Variants in UBAP1L observed in about 807,000 individuals in gnomAD.
UBAP1L encodes ubiquitin associated protein 1 like.
UBAP1L carries 32 observed loss-of-function variants against 32.1 expected under a neutral mutation model. The ratio of observed to expected loss-of-function variants is 1.00; its 90% CI spans 0.75 to 1.34. The LOEUF is 1.34. Ranked by LOEUF, UBAP1L falls within the 40% of genes most tolerant of loss-of-function variation. UBAP1L has a pLI of 0.00. For missense variants in UBAP1L, 516 were observed against 540.5 expected, an observed-to-expected ratio of 0.95 and a Z score of 0.45; for synonymous variants, 243 against 250.2, an observed-to-expected ratio of 0.97 and a Z score of 0.27.
chr15:65,092,936 G>C lies in UBAP1L; in HGVS notation c.*161C>G, dbSNP rs917835054. Reference sequence around the variant, plus strand: ...GGCAACTATTTCAACTCTTTCAGCAGATTCTGCTGCTGTTAACTGTCACCC... The same window carrying C: ...GGCAACTATTTCAACTCTTTCAGCACATTCTGCTGCTGTTAACTGTCACCC... On this transcript the variant is annotated 3_prime_UTR_variant, in exon 6 of 6. Coordinates refer to ENST00000559089, the MANE Select transcript of UBAP1L (RefSeq NM_001163692.2). The C allele has an allele frequency of 9.6e-7, 1 of 1,037,720 alleles. No individual in the cohort carries two copies. The highest frequency in any genetic ancestry group is 1.9e-5 in the South Asian group (1 of 53,644). The allele number at this position is 1,037,720 out of a possible 1,614,324, so 64.3% of individuals were successfully genotyped here.
chr15:65,108,742 G>A (rs1414659247), intron 1 of UBAP1L, among the ~76,000 whole-genome samples: 1 of 142,924 alleles, frequency 7.0e-6, no homozygotes, highest in Non-Finnish European at 1.5e-5. Flanking sequence ...AACAAAATGA[G>A]ACACTGTCTC....
chr15:65,107,834 C>T (rs577901124), intron 1 of UBAP1L, among the ~76,000 whole-genome samples: 6 of 151,786 alleles, frequency 4.0e-5, no homozygotes, highest in South Asian at 2.1e-4. Context: ...TGTATGAGAC[C>T]GCTACACGGA....
At chr15:65,108,411 T>G (rs2087340848) in intron 1 of UBAP1L, among the ~76,000 whole-genome samples, 1 of 152,118 alleles carries the variant, frequency 6.6e-6, no homozygotes, top group South Asian at 2.1e-4. Context: ...AAAGACTATA[T>G]TCATGGCCTT....
chr15:65,108,237 G>A (rs2087338232), intron 1 of UBAP1L, among the ~76,000 whole-genome samples: 1 of 151,748 alleles, frequency 6.6e-6, no homozygotes, highest in Admixed American at 6.6e-5. Flanking sequence ...GAAAGGGAAA[G>A]TCTTTTAAAT....
intron 4 of UBAP1L, chr15:65,095,479 A>T (rs1412892099): frequency 6.6e-6 from 1 of 152,262 alleles, no homozygotes; most frequent in Admixed American, 6.5e-5. Flanking sequence ...CAGTGTCCCC[A>T]TCATCCAGCA....
intron 4 of UBAP1L, chr15:65,096,972 T>G (rs2087181358): frequency 6.6e-6 from 1 of 152,296 alleles, no homozygotes; most frequent in African/African-American, 2.4e-5. Flanking sequence ...CCCAAAGGGC[T>G]TGTTCAGTTA....
intron 1 of UBAP1L, among the ~76,000 whole-genome samples, chr15:65,112,903 A>G (rs969002288): frequency 2.6e-5 from 4 of 152,154 alleles, no homozygotes; most frequent in African/African-American, 9.7e-5. Context: ...GTGAATTTTT[A>G]TCTCCTAAAT....
Position 65,106,313 on chromosome 15 carries a change from T to G in UBAP1L, c.-98A>C. Reference sequence around the variant, plus strand: ...CTGAGGACCAGGCTCAGGCCTCAAATGGCCTCACTGCTCTCCTGTGTGGTC... The same window carrying G: ...CTGAGGACCAGGCTCAGGCCTCAAAGGGCCTCACTGCTCTCCTGTGTGGTC... On this transcript the variant is annotated 5_prime_UTR_variant, in exon 2 of 6. Transcript: ENST00000559089. 7.6e-7 allele frequency: 1 copy of G among 1,317,332 alleles called. No homozygotes were observed. Among genetic ancestry groups the G allele is most frequent in the Non-Finnish European group, 9.8e-7 (1 of 1,023,698 alleles). 81.6% of individuals were successfully genotyped at this position (1,317,332 alleles called of 1,614,324 possible). A position where few individuals can be genotyped will look rare whatever the true frequency, so the allele number is the denominator to read the frequency against.
chr15:65,099,587 A>G lies in UBAP1L; in HGVS notation c.827T>C (p.Ile276Thr), dbSNP rs1423670974. 8 of 1,551,520 alleles carry G rather than the reference A, an allele frequency of 5.2e-6. No individual in the cohort carries two copies. Among genetic ancestry groups the G allele is most frequent in the East Asian group, 4.9e-5 (2 of 40,936 alleles). The change falls in exon 4 of 6, where the codon ATT becomes ACT. Residue 276 changes from isoleucine (I) to threonine (T), a missense_variant. Ile to Thr is a moderately conservative substitution (Grantham distance 89). Transcript: ENST00000559089. ...ATATCCCAGGGCGACCACTGGCCCAATGAGGTCTTGCTCCTCCTGGCTCAG... is the reference window on the plus strand; with the variant it reads ...ATATCCCAGGGCGACCACTGGCCCAGTGAGGTCTTGCTCCTCCTGGCTCAG... ...SALSQEEQDLIGPVVALGYPL... is the reference protein window; with the variant it reads ...SALSQEEQDLTGPVVALGYPL...
chr15:65,093,248 A>C lies in UBAP1L; in HGVS notation c.1012-17T>G. On this transcript the variant is annotated splice_polypyrimidine_tract_variant and intron_variant, in intron 5 of 5. Coordinates refer to ENST00000559089, the MANE Select transcript of UBAP1L (RefSeq NM_001163692.2). The stretch of plus-strand genomic sequence containing the variant: ...CTCCCCTGCCTGAGGAAGAGGAGAC[A>C]GGGAGGGTGCTGGGGGCTCTGCTGG... 3 of 1,536,376 alleles carry C rather than the reference A, an allele frequency of 2.0e-6. No homozygotes were observed. The highest frequency in any genetic ancestry group is 2.6e-6 in the Non-Finnish European group (3 of 1,141,570).
intron 1 of UBAP1L, among the ~76,000 whole-genome samples, chr15:65,109,497 A>C (rs1030075282): frequency 2.0e-5 from 3 of 151,146 alleles, no homozygotes; most frequent in Non-Finnish European, 4.4e-5. Flanking sequence ...AAAAAAAAAA[A>C]AAAAAAAACT....
chr15:65,106,187 T>C lies in UBAP1L; in HGVS notation c.29A>G (p.Lys10Arg). 6.5e-7 allele frequency: 1 copy of C among 1,549,112 alleles called. No homozygotes were observed. Among genetic ancestry groups the C allele is most frequent in the Non-Finnish European group, 8.7e-7 (1 of 1,146,336 alleles). ...GCCTATCACAAAGCCCTTGGGCAACTTGAAAGGAACACCATCGAGGGCATT... is the reference window on the plus strand; with the variant it reads ...GCCTATCACAAAGCCCTTGGGCAACCTGAAAGGAACACCATCGAGGGCATT... MNALDGVPF[K>R]LPKGFVIGTE... Residue 10 changes from lysine (K) to arginine (R), a missense_variant, in exon 2 of 6, where the codon AAG (lysine) becomes AGG (arginine). Transcript: ENST00000559089.
chr15:65,106,268 C>T lies in UBAP1L; in HGVS notation c.-53G>A, dbSNP rs2087310569. ...AGGGCTGGGGCAGGCTGCTTGATGG[C>T]AGGGAGAGAGAGTCGAGTCCTGAGG... is the stretch of plus-strand genomic sequence containing the variant. On this transcript the variant is annotated 5_prime_UTR_variant, in exon 2 of 6. Coordinates refer to ENST00000559089, the MANE Select transcript of UBAP1L (RefSeq NM_001163692.2). The T allele has an allele frequency of 2.0e-6, 3 of 1,503,976 alleles. No homozygotes were observed. Among genetic ancestry groups the T allele is most frequent in the African/African-American group, 1.4e-5 (1 of 70,494 alleles). 93.2% of individuals were successfully genotyped at this position (1,503,976 alleles called of 1,614,324 possible). A position where few individuals can be genotyped will look rare whatever the true frequency, so the allele number is the denominator to read the frequency against.
intron 1 of UBAP1L, among the ~76,000 whole-genome samples, chr15:65,110,833 G>C (rs1244197824): frequency 6.6e-6 from 1 of 152,162 alleles, no homozygotes; most frequent in Non-Finnish European, 1.5e-5. Flanking sequence ...TTATCAGGGA[G>C]TCTGCAGCAG....
intron 4 of UBAP1L, 89 bp downstream of exon 4, chr15:65,099,416 C>A (rs2087213594): frequency 1.5e-6 from 2 of 1,369,324 alleles, no homozygotes; most frequent in South Asian, 2.7e-5. Context: ...TGTTGTTGGG[C>A]CTATGTCACA....
At position 65,099,557 on chromosome 15, in the gene UBAP1L, A is replaced by G; in HGVS notation, c.857T>C (p.Leu286Pro). ...IGPVVALGYPLRRAIIALQKT... is the reference protein window; with the variant it reads ...IGPVVALGYPPRRAIIALQKT... ...CTGCAGAGCTATGATGGCCCTTCGC[A>G]GGGGATATCCCAGGGCGACCACTGG... Residue 286 changes from leucine to proline, a missense_variant, in exon 4 of 6, where the codon CTG becomes CCG. Physicochemically the swap from Leu to Pro is moderately conservative, Grantham distance 98 (BLOSUM62 -3). Transcript: ENST00000559089. 6.4e-7 allele frequency: 1 copy of G among 1,551,372 alleles called. No homozygotes were observed. The highest frequency in any genetic ancestry group is 8.7e-7 in the Non-Finnish European group (1 of 1,146,934).
chr15:65,093,888 AC>A (rs1375206069), intron 5 of UBAP1L, among the ~76,000 whole-genome samples: 1 of 151,996 alleles, frequency 6.6e-6, no homozygotes, highest in African/African-American at 2.4e-5. Flanking sequence ...TACTGAAAAT[AC>A]AAAAAAAATT....
chr15:65,103,385 C>T (rs2087266275), intron 2 of UBAP1L, among the ~76,000 whole-genome samples: 1 of 152,162 alleles, frequency 6.6e-6, no homozygotes, highest in Non-Finnish European at 1.5e-5. Flanking sequence ...CTGGAGTCCA[C>T]ATAAATAATC....
At chr15:65,093,818 C>A (rs1429849436) in intron 5 of UBAP1L, among the ~76,000 whole-genome samples, 1 of 151,938 alleles carries the variant, frequency 6.6e-6, no homozygotes, top group Non-Finnish European at 1.5e-5. Context: ...CCGAGGCGGG[C>A]GGATCACTTG....
Sources: allele counts gnomAD v4.1 joint callset (sites outside exome capture counted in the v4.1 genomes callset), GRCh38; gene constraint gnomAD v4.1.1; transcripts MANE v1.5; gene names NCBI Gene and HGNC (gene_info 2026-07-23, HGNC 2026-07-21).